The following GHR variants were observed in gnomAD, a reference collection of about 807,000 sequenced individuals.
The protein encoded by GHR is growth hormone receptor.
Under a neutral mutation model 67.1 loss-of-function variants are expected in GHR, and 35 were observed. That is an observed-to-expected ratio of 0.52 (90% CI 0.40 to 0.69). GHR has a LOEUF of 0.69. GHR is among the 30% of genes least tolerant of loss of function. The probability of loss-of-function intolerance (pLI) is 0.00; values close to 1 mark genes in which losing one functional copy is unlikely to be tolerated. For synonymous variants in GHR, 272 were observed against 269.1 expected, an observed-to-expected ratio of 1.01 and a Z score of -0.10; for missense variants, 792 against 764.6, an observed-to-expected ratio of 1.04 and a Z score of -0.42.
chr5:42,642,784 A>G (rs1754544054), intron 3 of GHR, among the ~76,000 whole-genome samples: 1 of 152,148 alleles, frequency 6.6e-6, no homozygotes, highest in South Asian at 2.1e-4. Flanking sequence ...TCAAGGTATG[A>G]CCAGGATTGG....
chr5:42,581,429 T>C (rs1380325251), intron 2 of GHR, among the ~76,000 whole-genome samples: 3 of 152,212 alleles, frequency 2.0e-5, no homozygotes. Context: ...CTCTGCCCTT[T>C]CTTTCTCTAG....
intron 1 of GHR, chr5:42,565,463 T>C (rs1749871175): frequency 1.0e-6 from 1 of 984,038 alleles, no homozygotes; most frequent in African/African-American, 1.7e-5. Context: ...TTTTATGGCC[T>C]GTCCAGCTCA....
At chr5:42,699,324 G>A (rs80143828) in intron 5 of GHR, among the ~76,000 whole-genome samples, 1,793 of 48,166 alleles carry the variant, frequency 0.037, 43 homozygotes, top group African/African-American at 0.19. Context: ...GGATTAGTGA[G>A]GCAAAGATGA....
chr5:42,701,236 G>A (rs1349175393), intron 6 of GHR, among the ~76,000 whole-genome samples: 1 of 152,134 alleles, frequency 6.6e-6, no homozygotes, highest in African/African-American at 2.4e-5. Flanking sequence ...CATGAAGCAA[G>A]GCAGTAGGAT....
At chr5:42,558,804 C>G (rs1749447772) in intron 1 of GHR, among the ~76,000 whole-genome samples, 1 of 152,108 alleles carries the variant, frequency 6.6e-6, no homozygotes. Flanking sequence ...GTATTCCTGT[C>G]ATTAAGTGAT....
chr5:42,548,487 C>A (rs982941391), intron 1 of GHR: 2 of 984,744 alleles, frequency 2.0e-6, no homozygotes, highest in Non-Finnish European at 2.4e-6. Context: ...GGAAACAATA[C>A]GAAAATCCAG....
intron 1 of GHR, among the ~76,000 whole-genome samples, chr5:42,441,202 A>C (rs966243052): frequency 6.6e-6 from 1 of 152,168 alleles, no homozygotes; most frequent in African/African-American, 2.4e-5. Flanking sequence ...AAGAGTGGGA[A>C]TTGTGACTGG....
At chr5:42,675,190 A>C (rs1248470647) in intron 3 of GHR, among the ~76,000 whole-genome samples, 2 of 152,218 alleles carry the variant, frequency 1.3e-5, no homozygotes, top group Non-Finnish European at 2.9e-5. Flanking sequence ...GTGAAATCAT[A>C]GCAATTCTAT....
intron 1 of GHR, among the ~76,000 whole-genome samples, chr5:42,434,478 A>G (rs945982305): frequency 6.6e-6 from 1 of 152,164 alleles, no homozygotes; most frequent in Non-Finnish European, 1.5e-5. Flanking sequence ...TGAGTCTCAT[A>G]TCCTCACTTT....
intron 1 of GHR, among the ~76,000 whole-genome samples, chr5:42,530,421 G>A (rs1747913817): frequency 6.6e-6 from 1 of 152,128 alleles, no homozygotes; most frequent in African/African-American, 2.4e-5. Context: ...CACTAACACT[G>A]TCTTACACAG....
chr5:42,667,076 G>T (rs117016804), intron 3 of GHR, among the ~76,000 whole-genome samples: 2,395 of 152,158 alleles, frequency 0.016, 22 homozygotes, highest in Middle Eastern at 0.051. Context: ...TAACTTCCAT[G>T]ACTACCACAA....
chr5:42,670,701 T>C (rs568627737), intron 3 of GHR, among the ~76,000 whole-genome samples: 52 of 151,954 alleles, frequency 3.4e-4, no homozygotes, highest in African/African-American at 1.2e-3. Flanking sequence ...CCTATTAAAA[T>C]ATAGGGATAG....
intron 1 of GHR, among the ~76,000 whole-genome samples, chr5:42,551,290 A>G (rs568325178): frequency 6.6e-6 from 1 of 152,308 alleles, no homozygotes; most frequent in East Asian, 1.9e-4. Flanking sequence ...GTTTTATAGT[A>G]AAGGTTAAAA....
At chr5:42,608,849 G>A (rs1276786607) in intron 2 of GHR, among the ~76,000 whole-genome samples, 1 of 151,996 alleles carries the variant, frequency 6.6e-6, no homozygotes, top group Non-Finnish European at 1.5e-5. Flanking sequence ...ACAAAGCAAA[G>A]GGATTTTTTG....
chr5:42,655,811 T>G (rs1228952831), intron 3 of GHR, among the ~76,000 whole-genome samples: 1 of 151,628 alleles, frequency 6.6e-6, no homozygotes. Flanking sequence ...GCAGTAGGAG[T>G]AGATCTTTAT....
At chr5:42,580,732 G>A (rs900891839) in intron 2 of GHR, among the ~76,000 whole-genome samples, 6 of 152,072 alleles carry the variant, frequency 3.9e-5, no homozygotes, top group Non-Finnish European at 7.4e-5. Context: ...TTTCTCAATC[G>A]GTTGGCATTT....
At chr5:42,652,522 T>G (rs561306679) in intron 3 of GHR, among the ~76,000 whole-genome samples, 17 of 152,194 alleles carry the variant, frequency 1.1e-4, no homozygotes, top group Non-Finnish European at 2.4e-4. Context: ...AAATTACTAT[T>G]TGATGCAAAA....
chr5:42,507,506 T>C lies in GHR; in HGVS notation c.-11-58358T>C, dbSNP rs530248262. Among the ~76,000 whole-genome samples the C allele has an allele frequency of 1.1e-4, 17 of 152,330 alleles. No homozygotes were observed. The East Asian group carries it at 3.3e-3, about 29-fold the overall frequency. ...TAGCAGCTTCAGTACTCAAGTGCGA[T>C]TGTAAAATTACACATGGTGGAATTC... On this transcript the variant is annotated intron_variant, in intron 1 of 9. Coordinates refer to ENST00000230882, the MANE Select transcript of GHR (RefSeq NM_000163.5).
chr5:42,683,426 G>A (rs997660027), intron 3 of GHR, among the ~76,000 whole-genome samples: 11 of 152,186 alleles, frequency 7.2e-5, no homozygotes, highest in Admixed American at 6.5e-4. Context: ...CCAGCAAAAG[G>A]GTGAGTCTGC....
Sources: gnomAD v4.1 joint callset for allele counts (sites outside exome capture counted in the v4.1 genomes callset) on GRCh38, gnomAD v4.1.1 for gene constraint, MANE v1.5 for transcripts, NCBI Gene and HGNC (gene_info 2026-07-23, HGNC 2026-07-21) for gene names.